The following ERBB4 variants were observed in gnomAD, a reference collection of about 807,000 sequenced individuals.
ERBB4 encodes the protein erb-b2 receptor tyrosine kinase 4.
ERBB4 carries 42 observed loss-of-function variants against 158.0 expected under a neutral mutation model. The ratio of observed to expected loss-of-function variants is 0.27; its 90% CI spans 0.21 to 0.34. ERBB4 has a LOEUF of 0.34. Ranked by LOEUF, ERBB4 falls within the 10% of genes least tolerant of loss-of-function variation. The pLI is 1.00. For synonymous variants in ERBB4, 583 were observed against 558.7 expected, an observed-to-expected ratio of 1.04 and a Z score of -0.61; for missense variants, 1,333 against 1,624.1, an observed-to-expected ratio of 0.82 and a Z score of 3.08.
intron 17 of ERBB4, among the ~76,000 whole-genome samples, chr2:211,626,851 G>A (rs571021628): frequency 6.6e-6 from 1 of 152,036 alleles, no homozygotes; most frequent in Admixed American, 6.6e-5. Flanking sequence ...CGTGAACCCA[G>A]GAGGCGGAGC....
At chr2:212,442,229 A>T (rs931348167) in intron 1 of ERBB4, among the ~76,000 whole-genome samples, 3 of 152,202 alleles carry the variant, frequency 2.0e-5, no homozygotes, top group African/African-American at 4.8e-5. Context: ...GAAAACTTCT[A>T]GGTTGAATGA....
At chr2:211,644,178 C>T (rs896472857) in intron 16 of ERBB4, among the ~76,000 whole-genome samples, 2 of 151,880 alleles carry the variant, frequency 1.3e-5, no homozygotes, top group Non-Finnish European at 1.5e-5. Context: ...TCATTGCACC[C>T]CATTTTAAAT....
intron 2 of ERBB4, among the ~76,000 whole-genome samples, chr2:211,958,469 A>G (rs2081089852): frequency 6.6e-6 from 1 of 152,130 alleles, no homozygotes; most frequent in South Asian, 2.1e-4. Flanking sequence ...TCTATTAATT[A>G]GTGTTTTCTG....
chr2:212,475,039 TG>T (rs967898858), intron 1 of ERBB4, among the ~76,000 whole-genome samples: 4 of 152,000 alleles, frequency 2.6e-5, no homozygotes, highest in African/African-American at 9.7e-5. Context: ...GCCACCACAA[TG>T]GGACCATTCT....
At chr2:212,213,063 CA>C (rs1347552390) in intron 1 of ERBB4, among the ~76,000 whole-genome samples, 1 of 152,026 alleles carries the variant, frequency 6.6e-6, no homozygotes, top group Non-Finnish European at 1.5e-5. Context: ...CCAAAATTGA[CA>C]AATGGGATCT....
intron 1 of ERBB4, among the ~76,000 whole-genome samples, chr2:212,294,589 G>T (rs1301475870): frequency 2.0e-5 from 3 of 151,846 alleles, no homozygotes; most frequent in African/African-American, 7.3e-5. Flanking sequence ...TTTAAAATTT[G>T]TCAGAAACAG....
At chr2:211,885,861 T>C (rs2078786489) in intron 3 of ERBB4, among the ~76,000 whole-genome samples, 1 of 152,206 alleles carries the variant, frequency 6.6e-6, no homozygotes, top group African/African-American at 2.4e-5. Context: ...TCTTTAAGTT[T>C]CATGTTGGTA....
intron 9 of ERBB4, among the ~76,000 whole-genome samples, chr2:211,710,026 T>C (rs2073632388): frequency 6.6e-6 from 1 of 152,142 alleles, no homozygotes; most frequent in Non-Finnish European, 1.5e-5. Context: ...CAATATTTTA[T>C]TGTACCTTAC....
chr2:212,283,118 T>C (rs949599263), intron 1 of ERBB4, among the ~76,000 whole-genome samples: 11 of 151,958 alleles, frequency 7.2e-5, no homozygotes, highest in Non-Finnish European at 1.3e-4. Context: ...CTGACAGTAA[T>C]GCAGACCATG....
intron 1 of ERBB4, among the ~76,000 whole-genome samples, chr2:212,489,244 A>T (rs1690142087): frequency 6.6e-6 from 1 of 151,916 alleles, no homozygotes. Flanking sequence ...GGAACTTGTG[A>T]GAGATATCGT....
At chr2:212,246,942 C>T (rs1404091384) in intron 1 of ERBB4, among the ~76,000 whole-genome samples, 1 of 152,122 alleles carries the variant, frequency 6.6e-6, no homozygotes, top group Non-Finnish European at 1.5e-5. Flanking sequence ...GTTTCCTCAA[C>T]TGAAAGAAAC....
chr2:212,022,707 C>G (rs1438555944), intron 2 of ERBB4, among the ~76,000 whole-genome samples: 2 of 152,136 alleles, frequency 1.3e-5, no homozygotes, highest in Non-Finnish European at 2.9e-5. Flanking sequence ...ACATAAAAAA[C>G]TATAATCTGA....
In ERBB4 at chr2:211,653,030, ATATTC is replaced by A. The variant is rs1218839961; in HGVS notation, c.1946+4719_1946+4723del. Among the ~76,000 whole-genome samples the A allele has an allele frequency of 1.4e-4, 21 of 152,336 alleles. 1 individual carries two copies. Among genetic ancestry groups the A allele is most frequent in the Admixed American group, 6.5e-4 (10 of 15,312 alleles). On this transcript the variant is annotated intron_variant, in intron 16 of 27. Transcript: ENST00000342788. The stretch of plus-strand genomic sequence containing the variant: ...AGAATCTAAAATGGATTAGAATCAA[ATATTC>A]TATTCTATCAGAATCTATATGAAAA...
At chr2:212,293,091 T>A (rs1023418024) in intron 1 of ERBB4, among the ~76,000 whole-genome samples, 1 of 151,916 alleles carries the variant, frequency 6.6e-6, no homozygotes, top group African/African-American at 2.4e-5. Flanking sequence ...CATAATAACC[T>A]AGAACAATTT....
At chr2:212,094,566 T>A (rs1009825166) in intron 2 of ERBB4, among the ~76,000 whole-genome samples, 65 of 149,810 alleles carry the variant, frequency 4.3e-4, no homozygotes, top group African/African-American at 1.6e-3. Flanking sequence ...AATATGAAAA[T>A]AAAAAAATAA....
intron 1 of ERBB4, among the ~76,000 whole-genome samples, chr2:212,230,683 A>G (rs912528287): frequency 2.6e-5 from 4 of 152,210 alleles, no homozygotes; most frequent in Non-Finnish European, 5.9e-5. Context: ...CTACGTCTAT[A>G]TAATATGAAT....
intron 3 of ERBB4, among the ~76,000 whole-genome samples, chr2:211,898,273 A>G (rs80037686): frequency 0.059 from 9,044 of 152,254 alleles, 425 homozygotes; most frequent in Non-Finnish European, 0.09. Context: ...TTTATCTAAG[A>G]TAGTTTAATC....
intron 20 of ERBB4, among the ~76,000 whole-genome samples, chr2:211,532,930 A>G (rs1395633256): frequency 1.3e-5 from 2 of 151,842 alleles, no homozygotes; most frequent in Non-Finnish European, 2.9e-5. Context: ...CTATGCAGTT[A>G]TTTACAAATG....
Position 211,915,438 on chromosome 2 carries a change from C to CATAT in ERBB4, c.421+31988_421+31991dup, listed in dbSNP as rs78546007. 3.7e-3 allele frequency among the ~76,000 whole-genome samples: 541 copies of CATAT among 147,556 alleles called. 5 individuals carry two copies. Among genetic ancestry groups the CATAT allele is most frequent in the African/African-American group, 0.01 (423 of 40,528 alleles). ...GCAAACTAACAGAGTTCAAACATTA[C>CATAT]ATATATATATATATATATCTCCAAT... On this transcript the variant is annotated intron_variant, in intron 3 of 27. Coordinates refer to ENST00000342788, the MANE Select transcript of ERBB4 (RefSeq NM_005235.3).
Sources: gnomAD v4.1 joint callset for allele counts (sites outside exome capture counted in the v4.1 genomes callset) on GRCh38, gnomAD v4.1.1 for gene constraint, MANE v1.5 for transcripts, NCBI Gene and HGNC (gene_info 2026-07-23, HGNC 2026-07-21) for gene names.